FAM117A: variants seen among roughly 807,000 people sequenced by gnomAD.
FAM117A encodes protein FAM117A.
A neutral mutation model predicts 44.1 loss-of-function variants in FAM117A; 21 were observed. That is an observed-to-expected ratio of 0.48 (90% CI 0.34 to 0.69). The LOEUF (loss-of-function observed/expected upper bound fraction) is 0.69. FAM117A is among the 30% of genes least tolerant of loss of function. The pLI, the probability that FAM117A is intolerant of heterozygous loss-of-function variation, is 0.01. For synonymous variants in FAM117A, 220 were observed against 238.3 expected (o/e 0.92, Z 0.71); for missense variants, 498 against 589.9 (o/e 0.84, Z 1.61).
chr17:49,757,749 T>C (rs2073704517), intron 1 of FAM117A, among the ~76,000 whole-genome samples: 1 of 152,258 alleles, frequency 6.6e-6, no homozygotes, highest in Non-Finnish European at 1.5e-5. Flanking sequence ...ATTTGGCTAA[T>C]GTTTGGTTAA....
At chr17:49,745,419 A>G (rs2073651109) in intron 1 of FAM117A, among the ~76,000 whole-genome samples, 1 of 152,240 alleles carries the variant, frequency 6.6e-6, no homozygotes. Flanking sequence ...GAAGATTTAT[A>G]TAATCCCAAA....
chr17:49,775,327 A>G (rs1398203543), intron 1 of FAM117A, among the ~76,000 whole-genome samples: 1 of 152,190 alleles, frequency 6.6e-6, no homozygotes, highest in Non-Finnish European at 1.5e-5. Flanking sequence ...AAGCCCAGTT[A>G]CATCCCACCC....
At chr17:49,742,886 A>G (rs578033398) in intron 1 of FAM117A, among the ~76,000 whole-genome samples, 3 of 152,176 alleles carry the variant, frequency 2.0e-5, no homozygotes, top group South Asian at 4.1e-4. Context: ...AAAATCCTAC[A>G]AGAGGACAAC....
At chr17:49,730,689 C>T (rs2073580912) in intron 2 of FAM117A, among the ~76,000 whole-genome samples, 1 of 152,200 alleles carries the variant, frequency 6.6e-6, no homozygotes, top group South Asian at 2.1e-4. Context: ...TATGTGTGCT[C>T]CCAGGCCTGT....
intron 1 of FAM117A, among the ~76,000 whole-genome samples, chr17:49,743,644 G>A (rs2073643211): frequency 6.6e-6 from 1 of 151,882 alleles, no homozygotes; most frequent in South Asian, 2.1e-4. Flanking sequence ...CAGGAGAATG[G>A]CATGAACCCG....
chr17:49,750,722 G>C (rs1372274249), intron 1 of FAM117A, among the ~76,000 whole-genome samples: 2 of 152,158 alleles, frequency 1.3e-5, no homozygotes, highest in Non-Finnish European at 2.9e-5. Flanking sequence ...GTTTCAGTGA[G>C]CCAAGATTGT....
intron 5 of FAM117A, among the ~76,000 whole-genome samples, chr17:49,718,408 C>T (rs2073515424): frequency 6.6e-6 from 1 of 152,216 alleles, no homozygotes; most frequent in Non-Finnish European, 1.5e-5. Context: ...GTGGCTCACG[C>T]CTGTAATCCC....
chr17:49,724,556 G>A (rs1953702583), intron 2 of FAM117A: 2 of 450,634 alleles, frequency 4.4e-6, no homozygotes, highest in Admixed American at 4.7e-5. Flanking sequence ...TGTGAGGCTG[G>A]GGGTGGTGGC....
chr17:49,716,396 TG>T (rs2073503617), intron 6 of FAM117A, 81 bp from the exon 7 acceptor site: 5 of 1,280,726 alleles, frequency 3.9e-6, no homozygotes, highest in Non-Finnish European at 4.2e-6. Context: ...AGGTGTAAAG[TG>T]GCAAGGCTGG....
intron 1 of FAM117A, among the ~76,000 whole-genome samples, chr17:49,743,853 C>G (rs1011978627): frequency 5.9e-5 from 9 of 152,032 alleles, no homozygotes; most frequent in African/African-American, 2.2e-4. Flanking sequence ...ACTGCTTGAG[C>G]CCGAGAGGTT....
intron 3 of FAM117A, among the ~76,000 whole-genome samples, chr17:49,721,138 T>C (rs1038219033): frequency 2.0e-5 from 3 of 152,184 alleles, no homozygotes; most frequent in African/African-American, 7.2e-5. Context: ...TTGTTTAAAG[T>C]AGACTACACT....
chr17:49,713,569 C>T (rs2073488071), intron 7 of FAM117A, among the ~76,000 whole-genome samples: 1 of 151,758 alleles, frequency 6.6e-6, no homozygotes, highest in South Asian at 2.1e-4. Context: ...TGCAGTGGTG[C>T]AATCTTGGCT....
Position 49,711,505 on chromosome 17 carries a change from T to C in FAM117A, c.1112A>G (p.Lys371Arg). Residue 371 changes from lysine to arginine, a missense_variant, in exon 8 of 8, where the codon AAA (lysine) becomes AGA (arginine). Lys to Arg is a conservative substitution (Grantham distance 26). Coordinates refer to ENST00000240364, the MANE Select transcript of FAM117A (RefSeq NM_030802.4). ...AFLTSCPDKNKVHFNPTGSAF... is the reference protein window; with the variant it reads ...AFLTSCPDKNRVHFNPTGSAF... ...TGAGCCAGTCGGGTTGAAATGGACT[T>C]TGTTCTTGTCAGGACAGGAAGTCAG... 6.2e-7 allele frequency: 1 copy of C among 1,613,962 alleles called. No homozygotes were observed.
intron 1 of FAM117A, among the ~76,000 whole-genome samples, chr17:49,756,454 A>G (rs1490212497): frequency 6.6e-6 from 1 of 152,030 alleles, no homozygotes; most frequent in Non-Finnish European, 1.5e-5. Context: ...CCTAACAAAC[A>G]TGGCTTCCCT....
chr17:49,714,520 T>G (rs761986695), intron 7 of FAM117A, among the ~76,000 whole-genome samples: 36 of 151,932 alleles, frequency 2.4e-4, no homozygotes, highest in Non-Finnish European at 4.7e-4. Context: ...GTATTTTTAG[T>G]AGAGGCTGGG....
chr17:49,764,611 C>A (rs2073739343), upstream of FAM117A, among the ~76,000 whole-genome samples: 1 of 152,094 alleles, frequency 6.6e-6, no homozygotes, highest in South Asian at 2.1e-4. Context: ...AAAGCGATAC[C>A]TTCAAAAAGT....
intron 1 of FAM117A, among the ~76,000 whole-genome samples, chr17:49,752,828 A>G (rs1258912994): frequency 6.6e-6 from 1 of 152,110 alleles, no homozygotes; most frequent in Non-Finnish European, 1.5e-5. Flanking sequence ...GGGGTGCTAA[A>G]GGAAGAAACG....
chr17:49,723,797 G>T (rs1360062735), intron 2 of FAM117A, among the ~76,000 whole-genome samples: 4 of 152,154 alleles, frequency 2.6e-5, no homozygotes, highest in Non-Finnish European at 5.9e-5. Context: ...GGGGATTGGG[G>T]CTCCCTGGCT....
chr17:49,710,429 C>G lies in FAM117A; in HGVS notation c.*826G>C, dbSNP rs1289829710. 4 of 152,664 alleles carry G rather than the reference C, an allele frequency of 2.6e-5. No homozygotes were observed. Among genetic ancestry groups the G allele is most frequent in the Admixed American group, 2.6e-4 (4 of 15,280 alleles). 9.5% of individuals were successfully genotyped at this position (152,664 alleles called of 1,614,324 possible). On this transcript the variant is annotated 3_prime_UTR_variant, in exon 8 of 8. Transcript: ENST00000240364. ...ATAAGAAAACTCGAACATTAACATT[C>G]TTCAATTTTGTGTAAGCTCTGCAGT...
Sources: allele counts gnomAD v4.1 joint callset (sites outside exome capture counted in the v4.1 genomes callset), GRCh38; gene constraint gnomAD v4.1.1; transcripts MANE v1.5; gene names NCBI Gene and HGNC (gene_info 2026-07-23, HGNC 2026-07-21).